Variants in FAT3 observed in about 807,000 individuals in gnomAD.
FAT3 encodes the protein protocadherin Fat 3.
A neutral mutation model predicts 310.2 loss-of-function variants in FAT3; 95 were observed. That is an observed-to-expected ratio of 0.31 (90% CI 0.26 to 0.36). The LOEUF (loss-of-function observed/expected upper bound fraction) is 0.36. Ranked by LOEUF, FAT3 falls within the 10% of genes least tolerant of loss-of-function variation. The pLI is 1.00. For synonymous variants in FAT3, 2,314 were observed against 2,192.9 expected (o/e 1.06, Z -1.54); for missense variants, 5,408 against 5,715.6 (o/e 0.95, Z 1.74).
chr11:92,754,367 T>C (rs1308843237), intron 4 of FAT3, among the ~76,000 whole-genome samples: 1 of 151,816 alleles, frequency 6.6e-6, no homozygotes, highest in African/African-American at 2.4e-5. Flanking sequence ...GGCTCACGCC[T>C]GTAATACCAG....
At chr11:92,833,272 C>T (rs1369169503) in intron 14 of FAT3, among the ~76,000 whole-genome samples, 1 of 152,148 alleles carries the variant, frequency 6.6e-6, no homozygotes, top group Non-Finnish European at 1.5e-5. Flanking sequence ...TTGCAGAGAA[C>T]AAAGGTGAGT....
At chr11:92,430,845 A>AT (rs890741134) in intron 2 of FAT3, among the ~76,000 whole-genome samples, 23 of 152,010 alleles carry the variant, frequency 1.5e-4, no homozygotes, top group African/African-American at 5.1e-4. Context: ...TGAACTCATC[A>AT]TTTTTTATGG....
intron 3 of FAT3, among the ~76,000 whole-genome samples, chr11:92,613,008 T>A (rs1940638138): frequency 6.6e-6 from 1 of 152,218 alleles, no homozygotes; most frequent in South Asian, 2.1e-4. Flanking sequence ...TAGGACGGGA[T>A]CGTAGAGTAA....
chr11:92,348,229 G>T (rs1033524249), intron 1 of FAT3, among the ~76,000 whole-genome samples: 1 of 151,874 alleles, frequency 6.6e-6, no homozygotes, highest in African/African-American at 2.4e-5. Context: ...GTCCTGCTCA[G>T]TTTTTTGGTG....
At chr11:92,427,867 G>A (rs1950671183) in intron 2 of FAT3, among the ~76,000 whole-genome samples, 1 of 152,086 alleles carries the variant, frequency 6.6e-6, no homozygotes, top group South Asian at 2.1e-4. Context: ...TTGGTATCAG[G>A]ATGATCTTGG....
chr11:92,799,508 A>C lies in FAT3; in HGVS notation c.6495A>C (p.Lys2165Asn). ...CCATCCTAGCCAAGGATGGCGGAAAACCTTCTTTGTCTACATCTGTGGAGC... is the reference window on the plus strand; with the variant it reads ...CCATCCTAGCCAAGGATGGCGGAAACCCTTCTTTGTCTACATCTGTGGAGC... Reference protein sequence around the residue: ...GVTILAKDGGKPSLSTSVELP... With the variant: ...GVTILAKDGGNPSLSTSVELP... The change falls in exon 10 of 28, where the codon AAA becomes AAC. Residue 2165 changes from lysine to asparagine, a missense_variant. Lys to Asn is a moderately conservative substitution (Grantham distance 94). Transcript: ENST00000525166. 1 of 1,613,470 alleles carries C rather than the reference A, an allele frequency of 6.2e-7. No homozygotes were observed. The highest frequency in any genetic ancestry group is 8.5e-7 in the Non-Finnish European group (1 of 1,179,746).
intron 10 of FAT3, among the ~76,000 whole-genome samples, chr11:92,803,758 G>A (rs1483667318): frequency 6.6e-6 from 1 of 152,206 alleles, no homozygotes; most frequent in Non-Finnish European, 1.5e-5. Flanking sequence ...CCAGACATAT[G>A]TAATGTCAAT....
At chr11:92,556,640 C>G (rs930533490) in intron 3 of FAT3, among the ~76,000 whole-genome samples, 1 of 152,176 alleles carries the variant, frequency 6.6e-6, no homozygotes, top group Non-Finnish European at 1.5e-5. Context: ...TGCTGGAATA[C>G]TACAAGGAAC....
chr11:92,770,187 T>G (rs1946423114), intron 6 of FAT3, among the ~76,000 whole-genome samples: 1 of 152,156 alleles, frequency 6.6e-6, no homozygotes, highest in African/African-American at 2.4e-5. Context: ...CAAATAAGCC[T>G]CTCATTTTTC....
chr11:92,364,271 G>A (rs969170304), intron 2 of FAT3, among the ~76,000 whole-genome samples: 6 of 152,062 alleles, frequency 3.9e-5, no homozygotes, highest in African/African-American at 1.2e-4. Context: ...TTTCTCCAGT[G>A]CCAAGTGATG....
At chr11:92,847,564 T>C (rs1948721172) in intron 19 of FAT3, among the ~76,000 whole-genome samples, 1 of 152,180 alleles carries the variant, frequency 6.6e-6, no homozygotes. Context: ...AGAAGTTCTC[T>C]CAGACTCCTG....
At chr11:92,254,983 G>A (rs1865259739) in intron 1 of FAT3, among the ~76,000 whole-genome samples, 2 of 152,162 alleles carry the variant, frequency 1.3e-5, no homozygotes, top group South Asian at 2.1e-4. Context: ...TGGGATTACA[G>A]GTGTGAGCCA....
chr11:92,373,391 G>A lies in FAT3; in HGVS notation c.3292+17987G>A, dbSNP rs145689677. 2.0e-4 allele frequency among the ~76,000 whole-genome samples: 31 copies of A among 152,230 alleles called. No individual in the cohort carries two copies. In the East Asian group the frequency reaches 5.6e-3, roughly 28 times the overall value. On this transcript the variant is annotated intron_variant, in intron 2 of 27. Coordinates refer to ENST00000525166, the MANE Select transcript of FAT3 (RefSeq NM_001367949.2). The stretch of plus-strand genomic sequence containing the variant: ...TCCACAGAACTACTAACAGAGCCAA[G>A]GCTATAACTCAGCCTCGTCAAAATC...
At chr11:92,241,768 TA>T (rs1423575507) in intron 1 of FAT3, among the ~76,000 whole-genome samples, 1 of 152,108 alleles carries the variant, frequency 6.6e-6, no homozygotes, top group African/African-American at 2.4e-5. Context: ...TATTTTAAAA[TA>T]TGCTTGTAAA....
intron 3 of FAT3, among the ~76,000 whole-genome samples, chr11:92,526,759 G>A (rs1357419918): frequency 6.6e-6 from 1 of 152,152 alleles, no homozygotes; most frequent in East Asian, 1.9e-4. Context: ...CCTTAAGCAT[G>A]TTCATAATTT....
chr11:92,860,436 G>C (rs1051904378), intron 21 of FAT3, among the ~76,000 whole-genome samples: 1 of 152,176 alleles, frequency 6.6e-6, no homozygotes, highest in Non-Finnish European at 1.5e-5. Flanking sequence ...CTGGGCATCT[G>C]TAGACCAGAT....
chr11:92,563,527 T>C (rs1461575420), intron 3 of FAT3, among the ~76,000 whole-genome samples: 1 of 152,146 alleles, frequency 6.6e-6, no homozygotes, highest in Non-Finnish European at 1.5e-5. Context: ...TAAGTTTCAG[T>C]CAAGAGATAT....
chr11:92,330,374 G>A (rs1241653442), intron 1 of FAT3, among the ~76,000 whole-genome samples: 1 of 152,204 alleles, frequency 6.6e-6, no homozygotes, highest in African/African-American at 2.4e-5. Flanking sequence ...ATCTAGCAGA[G>A]CTATCTGTGT....
At chr11:92,763,138 G>T (rs537416877) in intron 5 of FAT3, among the ~76,000 whole-genome samples, 57 of 151,128 alleles carry the variant, frequency 3.8e-4, no homozygotes, top group Non-Finnish European at 7.5e-4. Context: ...CAGCCCGGGT[G>T]ACAGAGCAAG....
Sources: allele counts gnomAD v4.1 joint callset (sites outside exome capture counted in the v4.1 genomes callset), GRCh38; gene constraint gnomAD v4.1.1; transcripts MANE v1.5; gene names NCBI Gene and HGNC (gene_info 2026-07-23, HGNC 2026-07-21).